COPB1: variants seen among roughly 807,000 people sequenced by gnomAD.
COPB1 encodes coat protein complex I subunit beta 1.
Under a neutral mutation model 108.7 loss-of-function variants are expected in COPB1, and 21 were observed. That is an observed-to-expected ratio of 0.19 (90% CI 0.14 to 0.28). The LOEUF is 0.28. COPB1 is among the 10% of genes least tolerant of loss of function. The pLI is 1.00. For synonymous variants in COPB1, 378 were observed against 386.8 expected, an observed-to-expected ratio of 0.98 and a Z score of 0.27; for missense variants, 919 against 1,141.3, an observed-to-expected ratio of 0.81 and a Z score of 2.81.
At chr11:14,460,611 T>A (rs899309848) in intron 19 of COPB1, among the ~76,000 whole-genome samples, 3 of 151,972 alleles carry the variant, frequency 2.0e-5, no homozygotes, top group African/African-American at 4.8e-5. Context: ...CAACCTCCCA[T>A]GTTCAAGTGA....
At chr11:14,475,085 C>T (rs1439407110) in intron 13 of COPB1, among the ~76,000 whole-genome samples, 1 of 95,452 alleles carries the variant, frequency 1.0e-5, no homozygotes, top group African/African-American at 4.6e-5. Context: ...CAGAGCAAGA[C>T]TCTGTGTCAA....
At chr11:14,491,965 G>T (rs1850915026) in intron 4 of COPB1, among the ~76,000 whole-genome samples, 1 of 152,144 alleles carries the variant, frequency 6.6e-6, no homozygotes, top group Non-Finnish European at 1.5e-5. Context: ...AGAGAAGAGT[G>T]AACACTAGCT....
At chr11:14,492,419 T>C (rs891708777) in intron 4 of COPB1, among the ~76,000 whole-genome samples, 2 of 152,076 alleles carry the variant, frequency 1.3e-5, no homozygotes, top group African/African-American at 4.8e-5. Context: ...TCTCGGTTCA[T>C]CGCAACCTCT....
intron 4 of COPB1, among the ~76,000 whole-genome samples, chr11:14,491,884 GAATTTTA>G (rs1850913685): frequency 6.6e-6 from 1 of 152,138 alleles, no homozygotes; most frequent in South Asian, 2.1e-4. Flanking sequence ...ATAGTCCCTT[GAATTTTA>G]TTAGTTGTGT....
chr11:14,460,203 T>G lies in COPB1; in HGVS notation c.2646+5A>C. On this transcript the variant is annotated splice_donor_5th_base_variant and intron_variant, in intron 20 of 21. Transcript: ENST00000439561. ...AGATTTCTGAATTTCCTAGTCAAAT[T>G]TTACCTTTTCTGGAGTCAGGCATTT... The G allele has an allele frequency of 1.3e-6, 2 of 1,585,418 alleles. No homozygotes were observed. Among genetic ancestry groups the G allele is most frequent in the South Asian group, 2.2e-5 (2 of 89,590 alleles).
chr11:14,498,843 T>C lies in COPB1; in HGVS notation c.86A>G (p.Asp29Gly). 2 of 1,598,910 alleles carry C rather than the reference T, an allele frequency of 1.3e-6. No individual in the cohort carries two copies. The highest frequency in any genetic ancestry group is 8.5e-7 in the Non-Finnish European group (1 of 1,175,250). Residue 29 changes from aspartate to glycine, a missense_variant, in exon 2 of 22, where the codon GAT becomes GGT. Asp to Gly is a moderately conservative substitution (Grantham distance 94). Coordinates refer to ENST00000439561, the MANE Select transcript of COPB1 (RefSeq NM_001144061.2). Reference protein sequence around the residue: ...EPPSEISLKNDLEKGDVKSKT... With the variant: ...EPPSEISLKNGLEKGDVKSKT... ...AAAATAATATCGAAGTTTACCTAGATCATTTTTTAAGCTAATTTCAGATGG... is the reference window on the plus strand; with the variant it reads ...AAAATAATATCGAAGTTTACCTAGACCATTTTTTAAGCTAATTTCAGATGG...
At chr11:14,479,444 G>A (rs1850608304) in intron 11 of COPB1, 125 bp downstream of exon 11, 2 of 858,214 alleles carry the variant, frequency 2.3e-6, no homozygotes, top group Non-Finnish European at 3.5e-6. Context: ...GATGCTTGTT[G>A]TACAAACTTG....
At position 14,488,535 on chromosome 11, in the gene COPB1, A is replaced by G; in HGVS notation, c.656T>C (p.Phe219Ser). ...AATAACCAGCTGCAGAATGTCTCCA[A>G]ATGTTTGAACTTGATCAATGCAAGT... ...LSTCIDQVQT[F>S]GDILQLVIVE... The change falls in exon 6 of 22, where the codon TTT becomes TCT. Residue 219 changes from phenylalanine (F) to serine (S), a missense_variant. Physicochemically the swap from Phe to Ser is radical, Grantham distance 155. This residue lies in a region of COPB1 where 22 missense variants were observed against 61.0 expected (regional missense o/e 0.36). Coordinates refer to ENST00000439561, the MANE Select transcript of COPB1 (RefSeq NM_001144061.2). 1 of 1,608,924 alleles carries G rather than the reference A, an allele frequency of 6.2e-7. No individual in the cohort carries two copies. The highest frequency in any genetic ancestry group is 8.5e-7 in the Non-Finnish European group (1 of 1,176,872).
chr11:14,493,041 G>A (rs1420910214), intron 4 of COPB1, among the ~76,000 whole-genome samples: 2 of 152,166 alleles, frequency 1.3e-5, no homozygotes, highest in East Asian at 1.9e-4. Context: ...AGCTACTTGG[G>A]AGGCTGAGGC....
chr11:14,498,903 T>C lies in COPB1; in HGVS notation c.26A>G (p.Tyr9Cys). Residue 9 changes from tyrosine to cysteine, a missense_variant, in exon 2 of 22, where the codon TAC (tyrosine) becomes TGC (cysteine). Physicochemically the swap from Tyr to Cys is radical, Grantham distance 194 (BLOSUM62 -2). Coordinates refer to ENST00000439561, the MANE Select transcript of COPB1 (RefSeq NM_001144061.2). MTAAENVC[Y>C]TLINVPMDSE... Reference sequence around the variant, plus strand: ...ATCCATTGGCACGTTAATTAACGTGTAGCATACGTTCTCAGCCGCCGTCAT... The same window carrying C: ...ATCCATTGGCACGTTAATTAACGTGCAGCATACGTTCTCAGCCGCCGTCAT... 1.2e-6 allele frequency: 2 copies of C among 1,610,414 alleles called. No individual in the cohort carries two copies. The highest frequency in any genetic ancestry group is 1.7e-6 in the Non-Finnish European group (2 of 1,179,278).
intron 2 of COPB1, 61 bp downstream of exon 2, chr11:14,498,777 G>A (rs1589972150): frequency 7.6e-7 from 1 of 1,307,934 alleles, no homozygotes; most frequent in Non-Finnish European, 1.1e-6. Flanking sequence ...TATGAAATAT[G>A]AGTTTTTTAT....
intron 12 of COPB1, among the ~76,000 whole-genome samples, chr11:14,476,638 C>G (rs1249914786): frequency 6.6e-6 from 1 of 152,066 alleles, no homozygotes; most frequent in Non-Finnish European, 1.5e-5. Flanking sequence ...TCTATTCTAC[C>G]ATAAGGTTGT....
At chr11:14,481,932 T>A (rs141508181) in intron 8 of COPB1, among the ~76,000 whole-genome samples, 2 of 152,050 alleles carry the variant, frequency 1.3e-5, no homozygotes, top group African/African-American at 4.8e-5. Context: ...GGGACTACAG[T>A]TGCACACCAC....
At chr11:14,463,725 T>C (rs1262455888) in intron 18 of COPB1, among the ~76,000 whole-genome samples, 1 of 152,240 alleles carries the variant, frequency 6.6e-6, no homozygotes, top group Non-Finnish European at 1.5e-5. Context: ...TAACCTATTA[T>C]GTCTCTCTAA....
chr11:14,491,874 A>C (rs979202613), intron 4 of COPB1, among the ~76,000 whole-genome samples: 1 of 152,232 alleles, frequency 6.6e-6, no homozygotes, highest in African/African-American at 2.4e-5. Flanking sequence ...GAGGAAAAAC[A>C]TAGTCCCTTG....
chr11:14,465,817 GAAGT>G (rs1464436938), intron 17 of COPB1, among the ~76,000 whole-genome samples: 1 of 150,220 alleles, frequency 6.7e-6, no homozygotes. Context: ...ACCAGATGTG[GAAGT>G]AAGCAGTCTG....
In COPB1 at chr11:14,458,511, CA is replaced by C. The variant is rs200930733; in HGVS notation, c.2802+20del. On this transcript the variant is annotated intron_variant, in intron 21 of 21. Coordinates refer to ENST00000439561, the MANE Select transcript of COPB1 (RefSeq NM_001144061.2). Reference sequence around the variant, plus strand: ...CCCTTTGTCAGTCCAGAGATACTCTCAAAAAAAAAGGAACTGTTACCTGGCT... The same window carrying C: ...CCCTTTGTCAGTCCAGAGATACTCTCAAAAAAAAGGAACTGTTACCTGGCT... 2.0e-4 allele frequency: 317 copies of C among 1,562,242 alleles called. No individual in the cohort carries two copies. The highest frequency in any genetic ancestry group is 7.8e-4 in the Admixed American group (42 of 53,550).
chr11:14,477,430 G>A lies in COPB1; in HGVS notation c.1359-415C>T, dbSNP rs1444634949. ...ACAAGGGCCAGGCACGGTGGCTCAC[G>A]CCTGTAATCCTAGCACATTCGGAGG... On this transcript the variant is annotated intron_variant, in intron 11 of 21. Coordinates refer to ENST00000439561, the MANE Select transcript of COPB1 (RefSeq NM_001144061.2). Among the ~76,000 whole-genome samples, 6 of 142,126 alleles carry A rather than the reference G, an allele frequency of 4.2e-5. No individual in the cohort carries two copies. In the South Asian group the frequency reaches 9.2e-4, roughly 22 times the overall value. The allele number at this position is 142,126 out of a possible 152,430, so 93.2% of individuals were successfully genotyped here.
intron 10 of COPB1, 136 bp downstream of exon 10, chr11:14,480,623 T>C (rs965191987): frequency 2.4e-5 from 18 of 758,900 alleles, no homozygotes; most frequent in African/African-American, 1.1e-4. Context: ...AAGGTAGAGG[T>C]AGATATAAAG....
Sources: allele counts gnomAD v4.1 joint callset (sites outside exome capture counted in the v4.1 genomes callset), GRCh38; gene constraint gnomAD v4.1.1; regional missense constraint gnomAD v4.1.1; transcripts MANE v1.5; gene names NCBI Gene and HGNC (gene_info 2026-07-23, HGNC 2026-07-21).